Variants in DIAPH2 observed in about 807,000 individuals in gnomAD.
DIAPH2 encodes the protein diaphanous related formin 2, also known as protein diaphanous homolog 2.
A neutral mutation model predicts 92.7 loss-of-function variants in DIAPH2; 35 were observed. The observed-to-expected ratio is 0.38, with a 90% CI of 0.29 to 0.50. The LOEUF (loss-of-function observed/expected upper bound fraction) is 0.50. Ranked by LOEUF, DIAPH2 falls within the 20% of genes least tolerant of loss-of-function variation. The pLI is 0.94. For missense variants in DIAPH2, 701 were observed against 819.5 expected, an observed-to-expected ratio of 0.86 and a Z score of 1.77; for synonymous variants, 301 against 280.4, an observed-to-expected ratio of 1.07 and a Z score of -0.73.
intron 21 of DIAPH2, among the ~76,000 whole-genome samples, chrX:97,136,853 C>CT (rs997735960): frequency 2.7e-5 from 3 of 110,428 alleles, no homozygotes; most frequent in African/African-American, 9.9e-5. Flanking sequence ...TGAATTTGCC[C>CT]TTTTTTTGTC....
chrX:96,984,453 T>C (rs1187640081), intron 17 of DIAPH2, among the ~76,000 whole-genome samples: 1 of 110,855 alleles, frequency 9.0e-6, no homozygotes. Context: ...TTATCTCGTA[T>C]TGAATTCCTT....
At chrX:96,940,637 C>T (rs1239742381) in intron 12 of DIAPH2, among the ~76,000 whole-genome samples, 1 of 111,905 alleles carries the variant, frequency 8.9e-6, no homozygotes, top group Non-Finnish European at 1.9e-5. Context: ...CAGACCAGTA[C>T]AGTAATTTGT....
chrX:97,352,870 CAAA>C (rs1176922373), intron 24 of DIAPH2, among the ~76,000 whole-genome samples: 3 of 27,092 alleles, frequency 1.1e-4, no homozygotes, highest in Non-Finnish European at 2.1e-4. Flanking sequence ...AATCTGTCTC[CAAA>C]AAAAAAAAAA....
chrX:96,840,575 C>A (rs760320513), intron 4 of DIAPH2, among the ~76,000 whole-genome samples: 5 of 110,735 alleles, frequency 4.5e-5, no homozygotes, highest in Non-Finnish European at 7.6e-5. Flanking sequence ...CTTGAAGTAG[C>A]CTTTTCCTGT....
chrX:96,869,589 CTACTAA>C (rs1193760691), intron 4 of DIAPH2, among the ~76,000 whole-genome samples: 10 of 107,622 alleles, frequency 9.3e-5, no homozygotes, highest in Admixed American at 1.0e-4. Context: ...ACTACTACTA[CTACTAA>C]TACTAGTCTC....
chrX:96,909,177 C>G (rs1050897403), intron 5 of DIAPH2, among the ~76,000 whole-genome samples: 1 of 111,843 alleles, frequency 8.9e-6, no homozygotes, highest in Admixed American at 9.5e-5. Flanking sequence ...TAACAAGTTC[C>G]CAGATGATGT....
chrX:97,210,326 T>G (rs1405050901), intron 22 of DIAPH2, among the ~76,000 whole-genome samples: 1 of 112,188 alleles, frequency 8.9e-6, no homozygotes, highest in African/African-American at 3.2e-5. Context: ...GTGTTTGTTA[T>G]CTCTGTGTTC....
chrX:97,053,671 C>T (rs748040574), intron 17 of DIAPH2, among the ~76,000 whole-genome samples: 15 of 111,313 alleles, frequency 1.3e-4, no homozygotes, highest in Admixed American at 4.8e-4. Context: ...TATGTTCTGT[C>T]GATAGTTCAA....
chrX:96,925,846 T>G (rs928682752), intron 9 of DIAPH2, among the ~76,000 whole-genome samples: 2 of 111,868 alleles, frequency 1.8e-5, no homozygotes, highest in African/African-American at 6.5e-5. Flanking sequence ...TTATGCTGTT[T>G]TATACCTCTA....
At chrX:97,352,870 C>CAAAA (rs1176922373) in intron 24 of DIAPH2, among the ~76,000 whole-genome samples, 7 of 27,041 alleles carry the variant, frequency 2.6e-4, no homozygotes, top group African/African-American at 5.2e-4. Context: ...AATCTGTCTC[C>CAAAA]AAAAAAAAAA....
chrX:97,488,566 G>A (rs984479703), intron 26 of DIAPH2, among the ~76,000 whole-genome samples: 1 of 111,844 alleles, frequency 8.9e-6, no homozygotes, highest in Non-Finnish European at 1.9e-5. Flanking sequence ...TCTTCAAGGA[G>A]TTTTGTAGGT....
chrX:97,280,267 GAT>G (rs2068486001), intron 23 of DIAPH2, among the ~76,000 whole-genome samples: 2 of 110,091 alleles, frequency 1.8e-5, no homozygotes, highest in African/African-American at 6.6e-5. Context: ...GAGGTCAGGA[GAT>G]AGAGAGCATC....
At chrX:96,963,016 T>C (rs896355636) in intron 16 of DIAPH2, among the ~76,000 whole-genome samples, 1 of 111,967 alleles carries the variant, frequency 8.9e-6, no homozygotes, top group Non-Finnish European at 1.9e-5. Flanking sequence ...CTTGTAGGGC[T>C]TGTCTAGTGG....
chrX:96,812,065 C>T (rs1384499733), intron 4 of DIAPH2, among the ~76,000 whole-genome samples: 4 of 111,759 alleles, frequency 3.6e-5, no homozygotes, highest in East Asian at 2.8e-4. Flanking sequence ...CCCTCTGTTT[C>T]TATTGATTGG....
intron 5 of DIAPH2, among the ~76,000 whole-genome samples, chrX:96,905,995 G>A (rs929016637): frequency 8.9e-6 from 1 of 112,101 alleles, no homozygotes; most frequent in Non-Finnish European, 1.9e-5. Flanking sequence ...CGGGTGTGGC[G>A]GCAGGCGCCT....
At chrX:97,487,621 G>C (rs1004787613) in intron 26 of DIAPH2, among the ~76,000 whole-genome samples, 1 of 111,508 alleles carries the variant, frequency 9.0e-6, no homozygotes, top group Non-Finnish European at 1.9e-5. Context: ...TGGATCTTCT[G>C]GTAAGTCTGT....
chrX:96,765,001 C>T (rs1193266482), intron 4 of DIAPH2, among the ~76,000 whole-genome samples: 2 of 110,721 alleles, frequency 1.8e-5, no homozygotes, highest in Non-Finnish European at 3.8e-5. Context: ...CATCATTTAA[C>T]ACCCCTGTGA....
At chrX:96,939,816 C>A (rs2065692095) in intron 12 of DIAPH2, among the ~76,000 whole-genome samples, 1 of 81,884 alleles carries the variant, frequency 1.2e-5, no homozygotes, top group Non-Finnish European at 2.3e-5. Context: ...AGGCGCGCGC[C>A]ACCATGCCCG....
intron 4 of DIAPH2, among the ~76,000 whole-genome samples, chrX:96,841,327 T>C (rs936499795): frequency 8.9e-6 from 1 of 112,128 alleles, no homozygotes; most frequent in Non-Finnish European, 1.9e-5. Context: ...ATTGGGAAAA[T>C]AGAGAAAGAA....
Sources: allele counts gnomAD v4.1 joint callset (sites outside exome capture counted in the v4.1 genomes callset), GRCh38; gene constraint gnomAD v4.1.1; transcripts MANE v1.5; gene names NCBI Gene and HGNC (gene_info 2026-07-23, HGNC 2026-07-21).